The following MACROD2 variants were observed in gnomAD, a reference collection of about 807,000 sequenced individuals.
MACROD2 encodes ADP-ribose glycohydrolase MACROD2.
Under a neutral mutation model 70.4 loss-of-function variants are expected in MACROD2, and 36 were observed. That is an observed-to-expected ratio of 0.51 (90% CI 0.39 to 0.68). The LOEUF (loss-of-function observed/expected upper bound fraction) is 0.68, where lower values mean the gene tolerates loss of function less well. Among genes scored for constraint, MACROD2 ranks in the 30% least tolerant of loss-of-function variants. The pLI is 0.00. For missense variants in MACROD2, 496 were observed against 538.4 expected (o/e 0.92, Z 0.78); for synonymous variants, 172 against 178.8 (o/e 0.96, Z 0.30).
At chr20:15,063,017 T>C (rs2123085099) in intron 5 of MACROD2, among the ~76,000 whole-genome samples, 1 of 152,342 alleles carries the variant, frequency 6.6e-6, no homozygotes, top group East Asian at 1.9e-4. Context: ...GACCTGGTGC[T>C]ATATATTTCC....
chr20:14,948,700 T>C (rs767634863), intron 5 of MACROD2, among the ~76,000 whole-genome samples: 3 of 152,176 alleles, frequency 2.0e-5, no homozygotes, highest in South Asian at 4.1e-4. Context: ...GAATCAGTGG[T>C]GGGGCAGAAA....
intron 4 of MACROD2, among the ~76,000 whole-genome samples, chr20:14,557,923 T>C (rs900158774): frequency 6.6e-6 from 1 of 151,790 alleles, no homozygotes; most frequent in African/African-American, 2.4e-5. Flanking sequence ...TGCACATTAA[T>C]TTTCATACCA....
intron 8 of MACROD2, among the ~76,000 whole-genome samples, chr20:15,564,404 A>C (rs1339394555): frequency 6.6e-6 from 1 of 152,214 alleles, no homozygotes; most frequent in Non-Finnish European, 1.5e-5. Context: ...GTCTGCTTAA[A>C]AACTCTGATT....
At chr20:15,268,664 T>G (rs1329326896) in intron 6 of MACROD2, among the ~76,000 whole-genome samples, 1 of 152,100 alleles carries the variant, frequency 6.6e-6, no homozygotes, top group East Asian at 1.9e-4. Context: ...AATACATAAA[T>G]AAATAAATTG....
intron 7 of MACROD2, among the ~76,000 whole-genome samples, chr20:15,479,375 C>A (rs2047065611): frequency 6.7e-6 from 1 of 149,470 alleles, no homozygotes; most frequent in African/African-American, 2.5e-5. Flanking sequence ...CGGGTTCACG[C>A]CATTCTCCTG....
At chr20:15,844,723 A>G (rs1467454243) in intron 8 of MACROD2, among the ~76,000 whole-genome samples, 1 of 152,186 alleles carries the variant, frequency 6.6e-6, no homozygotes, top group Non-Finnish European at 1.5e-5. Context: ...CATTGTTTGC[A>G]GAATGAATGT....
chr20:15,617,944 A>G (rs1330061518), intron 8 of MACROD2, among the ~76,000 whole-genome samples: 1 of 152,166 alleles, frequency 6.6e-6, no homozygotes, highest in Non-Finnish European at 1.5e-5. Context: ...GAAAACAAGC[A>G]TGGAACATAC....
intron 3 of MACROD2, among the ~76,000 whole-genome samples, chr20:14,491,216 A>G (rs1478865816): frequency 6.6e-6 from 1 of 152,122 alleles, no homozygotes; most frequent in African/African-American, 2.4e-5. Context: ...TTACTTGCGT[A>G]TTTTTATGTC....
intron 3 of MACROD2, among the ~76,000 whole-genome samples, chr20:14,107,089 T>C (rs2054379285): frequency 6.6e-6 from 1 of 152,220 alleles, no homozygotes; most frequent in Admixed American, 6.5e-5. Flanking sequence ...AACAGAGATA[T>C]GTGACCTTTC....
chr20:15,482,065 C>A (rs866711759), intron 7 of MACROD2, among the ~76,000 whole-genome samples: 58 of 152,182 alleles, frequency 3.8e-4, no homozygotes, highest in African/African-American at 1.3e-3. Context: ...CTCGGATTTC[C>A]TCCTTTACTT....
intron 8 of MACROD2, among the ~76,000 whole-genome samples, chr20:15,663,416 A>G (rs1314719083): frequency 6.6e-6 from 1 of 151,794 alleles, no homozygotes; most frequent in Non-Finnish European, 1.5e-5. Context: ...TTGTATTTTT[A>G]GTAGAGAAAG....
intron 3 of MACROD2, among the ~76,000 whole-genome samples, chr20:14,181,367 C>A (rs1370942479): frequency 6.6e-6 from 1 of 151,890 alleles, no homozygotes; most frequent in Non-Finnish European, 1.5e-5. Flanking sequence ...TGTGCCTGGC[C>A]CTCTGTCATT....
At chr20:15,644,985 AGCCT>A (rs1421548310) in intron 8 of MACROD2, among the ~76,000 whole-genome samples, 1 of 152,154 alleles carries the variant, frequency 6.6e-6, no homozygotes, top group Non-Finnish European at 1.5e-5. Flanking sequence ...TACCACGCCC[AGCCT>A]AAGTAATTTT....
At chr20:15,882,577 C>A (rs1380341904) in intron 9 of MACROD2, among the ~76,000 whole-genome samples, 2 of 151,992 alleles carry the variant, frequency 1.3e-5, no homozygotes, top group African/African-American at 4.8e-5. Context: ...AAAATCTTCA[C>A]CCTGTGCTTT....
intron 15 of MACROD2, among the ~76,000 whole-genome samples, chr20:15,996,385 C>T (rs749693004): frequency 2.0e-5 from 3 of 152,064 alleles, no homozygotes; most frequent in Non-Finnish European, 2.9e-5. Flanking sequence ...CTTCCCTTCT[C>T]TTCAGTTTTT....
chr20:15,375,625 T>A (rs1160553179), intron 6 of MACROD2, among the ~76,000 whole-genome samples: 1 of 152,196 alleles, frequency 6.6e-6, no homozygotes, highest in Non-Finnish European at 1.5e-5. Context: ...TAGAAGTTGA[T>A]CAGAGTTAGC....
chr20:15,927,011 G>A (rs1251964907), intron 10 of MACROD2, among the ~76,000 whole-genome samples: 1 of 152,148 alleles, frequency 6.6e-6, no homozygotes, highest in African/African-American at 2.4e-5. Flanking sequence ...GATGGAGGAT[G>A]GCCCCAGCCG....
At chr20:15,132,740 A>G (rs369484101) in intron 5 of MACROD2, among the ~76,000 whole-genome samples, 14 of 152,164 alleles carry the variant, frequency 9.2e-5, no homozygotes, top group African/African-American at 3.4e-4. Context: ...TGCTATTACA[A>G]TTGACCTAGA....
intron 5 of MACROD2, among the ~76,000 whole-genome samples, chr20:14,696,523 T>C (rs1218125878): frequency 6.6e-6 from 1 of 152,216 alleles, no homozygotes; most frequent in Admixed American, 6.5e-5. Flanking sequence ...ATTAGCTGTT[T>C]TATTTTTCAG....
Sources: gnomAD v4.1 joint callset for allele counts (sites outside exome capture counted in the v4.1 genomes callset) on GRCh38, gnomAD v4.1.1 for gene constraint, MANE v1.5 for transcripts, NCBI Gene and HGNC (gene_info 2026-07-23, HGNC 2026-07-21) for gene names.